Variants in DNAH10 observed in about 807,000 individuals in gnomAD.
DNAH10 encodes axonemal beta dynein heavy chain 10.
Under a neutral mutation model 506.6 loss-of-function variants are expected in DNAH10, and 348 were observed. That is an observed-to-expected ratio of 0.69 (90% CI 0.63 to 0.75). The LOEUF is 0.75. Ranked by LOEUF, DNAH10 falls within the 30% of genes least tolerant of loss-of-function variation. The probability of loss-of-function intolerance (pLI) is 0.00; values close to 1 mark genes in which losing one functional copy is unlikely to be tolerated. For synonymous variants in DNAH10, 2,059 were observed against 2,198.6 expected (o/e 0.94, Z 1.78); for missense variants, 5,179 against 5,787.1 (o/e 0.89, Z 3.41).
chr12:123,893,519 T>C (rs533472683), intron 53 of DNAH10, 83 bp downstream of exon 53: 2 of 1,523,726 alleles, frequency 1.3e-6, no homozygotes, highest in African/African-American at 2.7e-5. Context: ...CTCTCCAGGT[T>C]CCCCCAGCAA....
chr12:123,782,697 C>A (rs1957709678), intron 6 of DNAH10, among the ~76,000 whole-genome samples: 1 of 152,088 alleles, frequency 6.6e-6, no homozygotes, highest in African/African-American at 2.4e-5. Flanking sequence ...CAGGTGTGAG[C>A]CATCGTGCCT....
intron 47 of DNAH10, among the ~76,000 whole-genome samples, chr12:123,877,468 T>C (rs1264697636): frequency 6.6e-6 from 1 of 152,138 alleles, no homozygotes; most frequent in Non-Finnish European, 1.5e-5. Context: ...CGCACCACCA[T>C]GCCCAGCTAA....
chr12:123,926,890 A>G lies in DNAH10; in HGVS notation c.12105+70A>G. The G allele has an allele frequency of 6.4e-7, 1 of 1,557,322 alleles. No homozygotes were observed. Among genetic ancestry groups the G allele is most frequent in the East Asian group, 2.3e-5 (1 of 43,886 alleles). ...CCCTGGTGTCTGCTAAGAAGGAGCT[A>G]ACCTGGGTTTAAGCTGAGTGCCACG... On this transcript the variant is annotated intron_variant, in intron 69 of 78. Coordinates refer to ENST00000673944, the MANE Select transcript of DNAH10 (RefSeq NM_001372106.1). The surrounding 1 kb of genome is among the most constrained non-coding windows in gnomAD (Gnocchi z 4.1).
chr12:123,860,111 C>T (rs183421611), intron 38 of DNAH10, among the ~76,000 whole-genome samples: 4 of 152,080 alleles, frequency 2.6e-5, no homozygotes, highest in Non-Finnish European at 4.4e-5. Context: ...TTCCTGACTC[C>T]TCACTTCTCT....
Position 123,850,954 on chromosome 12 carries a change from G to A in DNAH10, c.6169G>A (p.Ala2057Thr), listed in dbSNP as rs767489276. 6 of 1,613,834 alleles carry A rather than the reference G, an allele frequency of 3.7e-6. No homozygotes were observed. Among genetic ancestry groups the A allele is most frequent in the Admixed American group, 3.3e-5 (2 of 59,978 alleles). The change falls in exon 35 of 79, where the codon GCA becomes ACA. Residue 2057 changes from alanine to threonine, a missense_variant. Ala to Thr is a moderately conservative substitution (Grantham distance 58). Around this residue, in one of 3 missense-constraint regions of DNAH10, gnomAD observed 4,844 missense variants for 5,430.5 expected, o/e 0.89. Transcript: ENST00000673944. The surrounding 1 kb of genome is among the most constrained non-coding windows in gnomAD (Gnocchi z 5.5). ...GIFITMNPGY[A>T]GRTELPESVK... The stretch of plus-strand genomic sequence containing the variant: ...CTTCATCACCATGAACCCCGGCTAC[G>A]CAGGCCGCACGGAGCTGCCCGAGTC...
In DNAH10 at chr12:123,787,326, CT is replaced by C. The variant is rs36093389; in HGVS notation, c.1422-473del. On this transcript the variant is annotated intron_variant, in intron 9 of 78. Coordinates refer to ENST00000673944, the MANE Select transcript of DNAH10 (RefSeq NM_001372106.1). This position sits in a 1 kb window ranked among gnomAD's most constrained non-coding sequence, Gnocchi z 4.6. ...ATAAATGGAATCAGACACTATATGACTTTTTGTTATCTATAGATAGATATCT... is the reference window on the plus strand; with the variant it reads ...ATAAATGGAATCAGACACTATATGACTTTTGTTATCTATAGATAGATATCT... Among the ~76,000 whole-genome samples the C allele has an allele frequency of 6.6e-6, 1 of 152,018 alleles. No individual in the cohort carries two copies. Among genetic ancestry groups the C allele is most frequent in the South Asian group, 2.1e-4 (1 of 4,828 alleles).
chr12:123,877,109 A>T lies in DNAH10; in HGVS notation c.8200-627A>T, dbSNP rs1482124272. On this transcript the variant is annotated intron_variant, in intron 47 of 78. Transcript: ENST00000673944. ...TCACCCTGGAAGGAAACCCACACAC[A>T]TTAGCACTTACTCCCATCCCACCTC... is the stretch of plus-strand genomic sequence containing the variant. Among the ~76,000 whole-genome samples, 3 of 152,200 alleles carry T rather than the reference A, an allele frequency of 2.0e-5. No homozygotes were observed. The East Asian group carries it at 5.8e-4, about 29-fold the overall frequency.
In DNAH10 at chr12:123,820,639, G is replaced by A; in HGVS notation, c.4060G>A (p.Glu1354Lys). The change falls in exon 24 of 79, where the codon GAA becomes AAA. Residue 1354 changes from glutamate to lysine, a missense_variant. Coordinates refer to ENST00000673944, the MANE Select transcript of DNAH10 (RefSeq NM_001372106.1). ...GGCAAGACATGAAAAGAGCCGTCAG[G>A]AACTGGCTAACGCTGAGAAACTTTT... ...ELARHEKSRQELANAEKLFDL... is the reference protein window; with the variant it reads ...ELARHEKSRQKLANAEKLFDL... 6.2e-7 allele frequency: 1 copy of A among 1,613,990 alleles called. No homozygotes were observed. Among genetic ancestry groups the A allele is most frequent in the South Asian group, 1.1e-5 (1 of 91,074 alleles).
At chr12:123,824,528 T>C (rs1959761747) in intron 24 of DNAH10, among the ~76,000 whole-genome samples, 1 of 152,036 alleles carries the variant, frequency 6.6e-6, no homozygotes, top group South Asian at 2.1e-4. Context: ...TGATTATGAA[T>C]ACATGGTTGT....
chr12:123,815,323 A>C (rs907111994), intron 21 of DNAH10, among the ~76,000 whole-genome samples: 12 of 151,852 alleles, frequency 7.9e-5, no homozygotes, highest in Non-Finnish European at 1.6e-4. Flanking sequence ...TTTTTATTTT[A>C]ATTATTTTAT....
At chr12:123,920,935 A>G (rs1954693103) in intron 65 of DNAH10, among the ~76,000 whole-genome samples, 1 of 152,124 alleles carries the variant, frequency 6.6e-6, no homozygotes, top group Non-Finnish European at 1.5e-5. Context: ...ATGCCTGGCT[A>G]ATTTTTAAAA....
rs761598320 is a variant in DNAH10, at chr12:123,932,006, G to A, written c.13194G>A (p.Gly4398=). 1 of 1,613,884 alleles carries A rather than the reference G, an allele frequency of 6.2e-7. No individual in the cohort carries two copies. Among genetic ancestry groups the A allele is most frequent in the African/African-American group, 1.3e-5 (1 of 74,928 alleles). Residue 4398 remains glycine (G), a synonymous_variant, in exon 76 of 79, where the codon GGG becomes GGA. Coordinates refer to ENST00000673944, the MANE Select transcript of DNAH10 (RefSeq NM_001372106.1). The part of the protein sequence containing the change: ...LDDVARSLFI[G]HIPNIWRRLA... ...ATGTGGCCAGGTCTCTTTTTATCGGGCATATCCCTAATATCTGGAGAAGGC... is the reference window on the plus strand; with the variant it reads ...ATGTGGCCAGGTCTCTTTTTATCGGACATATCCCTAATATCTGGAGAAGGC...
rs1282957743 is a variant in DNAH10 at position 123,916,341 on chromosome 12, G to C, written c.10723-116G>C. The C allele has an allele frequency of 3.0e-6, 4 of 1,333,994 alleles. No homozygotes were observed. The highest frequency in any genetic ancestry group is 3.1e-6 in the Non-Finnish European group (3 of 973,962). The allele number at this position is 1,333,994 out of a possible 1,614,324, so 82.6% of individuals were successfully genotyped here. A position where few individuals can be genotyped will look rare whatever the true frequency, so the allele number is the denominator to read the frequency against. On this transcript the variant is annotated intron_variant, in intron 62 of 78. Coordinates refer to ENST00000673944, the MANE Select transcript of DNAH10 (RefSeq NM_001372106.1). The surrounding 1 kb of genome is among the most constrained non-coding windows in gnomAD (Gnocchi z 4.6). ...TTGCTTCTCTCTTCTTTTCACCTCT[G>C]GCCCCCTCCAAGTTCCTGGCCCATC...
Position 123,801,452 on chromosome 12 carries a change from G to A in DNAH10, c.2614+20G>A, listed in dbSNP as rs922765249. 1 of 1,606,108 alleles carries A rather than the reference G, an allele frequency of 6.2e-7. No individual in the cohort carries two copies. The highest frequency in any genetic ancestry group is 2.2e-5 in the East Asian group (1 of 44,732). On this transcript the variant is annotated intron_variant, in intron 16 of 78. Transcript: ENST00000673944. ...CACTAGGTAACGTCATTCATCTATT[G>A]ATTGCCTTTTAGACTTGGGATGCAA...
intron 54 of DNAH10, among the ~76,000 whole-genome samples, chr12:123,897,385 T>C (rs1490419244): frequency 6.6e-6 from 1 of 152,244 alleles, no homozygotes; most frequent in Non-Finnish European, 1.5e-5. Context: ...TTGAGTCATA[T>C]AATAGTTCTA....
In DNAH10 at chr12:123,826,790, G is replaced by A. The variant is rs772799935; in HGVS notation, c.4283G>A (p.Arg1428Gln). The A allele has an allele frequency of 2.1e-5, 34 of 1,613,792 alleles. 1 individual carries two copies. Among genetic ancestry groups the A allele is most frequent in the Admixed American group, 1.7e-4 (10 of 59,998 alleles). Residue 1428 changes from arginine to glutamine, a missense_variant, in exon 25 of 79, where the codon CGG (arginine) becomes CAG (glutamine). By Grantham distance (43) the Arg-to-Gln change is conservative. This residue lies in a region of DNAH10 where 4,844 missense variants were observed against 5,430.5 expected (regional missense o/e 0.89). Transcript: ENST00000673944. ...GFLRALRKLP[R>Q]PVRGLSVTYY... ...CTCAGGGCTCTCAGAAAGCTACCTC[G>A]GCCAGTCCGTGGCTTATCAGTGACC...
At chr12:123,876,629 A>G (rs894078056) in intron 47 of DNAH10, among the ~76,000 whole-genome samples, 1 of 151,538 alleles carries the variant, frequency 6.6e-6, no homozygotes, top group Non-Finnish European at 1.5e-5. Context: ...TCTCAATCTA[A>G]AATACATAAA....
intron 60 of DNAH10, among the ~76,000 whole-genome samples, 171 bp from the exon 61 acceptor site, chr12:123,914,158 G>A (rs1422660369): frequency 6.6e-6 from 1 of 152,218 alleles, no homozygotes; most frequent in Non-Finnish European, 1.5e-5. Context: ...AGGGTGGGAA[G>A]TTGCAAGATA....
Position 123,930,409 on chromosome 12 carries a change from A to G in DNAH10, c.12620A>G (p.Tyr4207Cys). ...SLKYLIGEVM[Y>C]GGRAIDSFDR... is the part of the protein sequence containing the mutation. ...CAGGCCCTCTAATTTCAGGTCATGT[A>G]TGGAGGACGGGCCATCGACAGCTTT... The change falls in exon 73 of 79, where the codon TAT becomes TGT. Residue 4207 changes from tyrosine (Y) to cysteine (C), a missense_variant. Transcript: ENST00000673944. 2 of 1,577,506 alleles carry G rather than the reference A, an allele frequency of 1.3e-6. No homozygotes were observed. Among genetic ancestry groups the G allele is most frequent in the Non-Finnish European group, 1.7e-6 (2 of 1,165,706 alleles).
Sources: allele counts gnomAD v4.1 joint callset (sites outside exome capture counted in the v4.1 genomes callset), GRCh38; gene constraint gnomAD v4.1.1; regional missense constraint gnomAD v4.1.1; non-coding constraint Gnocchi (gnomAD v3.1); transcripts MANE v1.5; gene names NCBI Gene and HGNC (gene_info 2026-07-23, HGNC 2026-07-21).